The following MME variants were observed in gnomAD, a reference collection of about 807,000 sequenced individuals.
The protein encoded by MME is neprilysin.
Under a neutral mutation model 113.2 loss-of-function variants are expected in MME, and 98 were observed. The observed-to-expected ratio is 0.87, with a 90% confidence interval of 0.74 to 1.02. The LOEUF (loss-of-function observed/expected upper bound fraction) is 1.02. MME is among the 50% of genes least tolerant of loss of function. The pLI, the probability that MME is intolerant of heterozygous loss-of-function variation, is 0.00. For synonymous variants in MME, 292 were observed against 300.6 expected (o/e 0.97, Z 0.30); for missense variants, 836 against 896.0 (o/e 0.93, Z 0.86).
chr3:155,158,450 C>T (rs1000117054), intron 16 of MME: 4 of 152,076 alleles, frequency 2.6e-5, no homozygotes, highest in African/African-American at 9.7e-5. Flanking sequence ...TTTCAGAAGT[C>T]ATGCAAGGAA....
intron 8 of MME, among the ~76,000 whole-genome samples, chr3:155,132,444 C>T (rs748111527): frequency 8.5e-5 from 13 of 152,128 alleles, no homozygotes; most frequent in Non-Finnish European, 1.6e-4. Context: ...TTTTAAAACC[C>T]ACAAAACTGC....
At chr3:155,140,324 G>C in intron 10 of MME, 32 bp downstream of exon 10, 1 of 1,371,468 alleles carries the variant, frequency 7.3e-7, no homozygotes, top group Non-Finnish European at 1.0e-6. Context: ...CTCTCTTATT[G>C]TGCCGTTTTC....
At chr3:155,168,349 G>A (rs1240147911) in intron 18 of MME, 143 bp from the exon 19 acceptor site, 9 of 775,220 alleles carry the variant, frequency 1.2e-5, no homozygotes, top group South Asian at 9.5e-5. Context: ...CTGTGATGAG[G>A]AGGGATGACA....
chr3:155,091,908 T>C (rs1245764791), intron 3 of MME, among the ~76,000 whole-genome samples: 1 of 152,074 alleles, frequency 6.6e-6, no homozygotes, highest in Admixed American at 6.6e-5. Context: ...TTCTTTCTGT[T>C]CAAAACATCC....
intron 3 of MME, chr3:155,089,902 G>C (rs1416090352): frequency 4.5e-6 from 2 of 449,332 alleles, no homozygotes; most frequent in Non-Finnish European, 9.0e-6. Flanking sequence ...AGAGGTTGAA[G>C]CGAGCCAAGA....
chr3:155,062,146 C>T (rs1714171737), intron 1 of MME, among the ~76,000 whole-genome samples: 1 of 152,104 alleles, frequency 6.6e-6, no homozygotes, highest in South Asian at 2.1e-4. Context: ...AGTATACTTG[C>T]CTCATCCTTG....
intron 8 of MME, among the ~76,000 whole-genome samples, chr3:155,130,658 G>A (rs1720070587): frequency 6.6e-6 from 1 of 152,114 alleles, no homozygotes. Context: ...ATGTACCTGG[G>A]AAAGAACACA....
intron 16 of MME, among the ~76,000 whole-genome samples, chr3:155,151,979 T>G (rs1330804747): frequency 1.3e-5 from 2 of 151,888 alleles, no homozygotes; most frequent in African/African-American, 4.9e-5. Context: ...GAGATTTTTT[T>G]GAAGACACAA....
At chr3:155,103,340 A>C (rs1179148669) in intron 3 of MME, among the ~76,000 whole-genome samples, 1 of 152,144 alleles carries the variant, frequency 6.6e-6, no homozygotes, top group Non-Finnish European at 1.5e-5. Flanking sequence ...ACACAAATAT[A>C]GCTGCCTCAA....
At chr3:155,117,703 T>A (rs547484034) in intron 7 of MME, among the ~76,000 whole-genome samples, 33 of 151,850 alleles carry the variant, frequency 2.2e-4, no homozygotes, top group African/African-American at 7.7e-4. Flanking sequence ...ATCTTTATGG[T>A]CGTTTTTGTT....
At chr3:155,053,197 T>C (rs1011394523) in intron 1 of MME, among the ~76,000 whole-genome samples, 2 of 152,192 alleles carry the variant, frequency 1.3e-5, no homozygotes, top group Admixed American at 1.3e-4. Context: ...CTCTGCCCAT[T>C]ACACAGTTCC....
intron 1 of MME, among the ~76,000 whole-genome samples, chr3:155,051,508 G>C (rs1455225638): frequency 6.6e-6 from 1 of 152,202 alleles, no homozygotes; most frequent in Non-Finnish European, 1.5e-5. Context: ...ATAGTGGAAA[G>C]CAAAACAGGC....
At chr3:155,068,485 T>A (rs1318263346) in intron 1 of MME, among the ~76,000 whole-genome samples, 1 of 152,236 alleles carries the variant, frequency 6.6e-6, no homozygotes, top group Non-Finnish European at 1.5e-5. Context: ...GAAGCCAAAA[T>A]AATTCCTCCC....
At chr3:155,055,132 G>C (rs564122408) in intron 1 of MME, among the ~76,000 whole-genome samples, 2 of 152,244 alleles carry the variant, frequency 1.3e-5, no homozygotes, top group South Asian at 4.1e-4. Flanking sequence ...TATGTTCATA[G>C]CATTTCCAAA....
chr3:155,072,690 T>C (rs1042203270), intron 1 of MME, among the ~76,000 whole-genome samples: 11 of 152,196 alleles, frequency 7.2e-5, no homozygotes, highest in Non-Finnish European at 1.3e-4. Context: ...GACTTTTGTA[T>C]TGTTTCTACT....
chr3:155,116,509 T>C lies in MME; in HGVS notation c.389T>C (p.Ile130Thr), dbSNP rs200313798. 2.1e-5 allele frequency: 34 copies of C among 1,612,750 alleles called. No homozygotes were observed. In the South Asian group the frequency reaches 2.5e-4, roughly 12 times the overall value. The stretch of plus-strand genomic sequence containing the variant: ...CTTCAAGAACCCAAAACTGAAGATA[T>C]AGTAGCAGTGCAGAAAGCAAAAGCA... ...DVLQEPKTED[I>T]VAVQKAKALY... The change falls in exon 5 of 23, where the codon ATA becomes ACA. Residue 130 changes from isoleucine to threonine, a missense_variant. By Grantham distance (89) the Ile-to-Thr change is moderately conservative. Transcript: ENST00000360490.
At position 155,165,425 on chromosome 3, in the gene MME, G is replaced by A. The variant is rs140206869; in HGVS notation, c.1661-1477G>A. On this transcript the variant is annotated intron_variant, in intron 17 of 22. Transcript: ENST00000360490. ...TTCATGAGAGTATATATTATAAGAG[G>A]ATACTGGAATGGGGCAGGGAAGGGG... Among the ~76,000 whole-genome samples, 443 of 152,158 alleles carry A rather than the reference G, an allele frequency of 2.9e-3. 1 individual carries two copies. Among genetic ancestry groups the A allele is most frequent in the Middle Eastern group, 0.017 (5 of 294 alleles).
chr3:155,066,476 C>A (rs1331996226), intron 1 of MME, among the ~76,000 whole-genome samples: 1 of 152,038 alleles, frequency 6.6e-6, no homozygotes. Context: ...CCTTGTAAAC[C>A]CTAGTTTTCC....
At chr3:155,158,401 C>T (rs941137628) in intron 16 of MME, 13 of 152,016 alleles carry the variant, frequency 8.6e-5, no homozygotes, top group African/African-American at 2.7e-4. Context: ...TTTGCTGCCA[C>T]GTTTGCTATG....
Sources: gnomAD v4.1 joint callset for allele counts (sites outside exome capture counted in the v4.1 genomes callset) on GRCh38, gnomAD v4.1.1 for gene constraint, MANE v1.5 for transcripts, NCBI Gene and HGNC (gene_info 2026-07-23, HGNC 2026-07-21) for gene names.